The following F13A1 variants were observed in gnomAD, a reference collection of about 807,000 sequenced individuals.
F13A1 encodes FSF, A subunit.
In F13A1, 47 loss-of-function variants were observed where a neutral mutation model predicts 80.1. The observed-to-expected ratio is 0.59, with a 90% CI of 0.46 to 0.75. The LOEUF (loss-of-function observed/expected upper bound fraction) is 0.75, where lower values mean the gene tolerates loss of function less well. Ranked by LOEUF, F13A1 falls within the 30% of genes least tolerant of loss-of-function variation. The probability of loss-of-function intolerance (pLI) is 0.00; values close to 1 mark genes in which losing one functional copy is unlikely to be tolerated. For synonymous variants in F13A1, 349 were observed against 344.9 expected, an observed-to-expected ratio of 1.01 and a Z score of -0.13; for missense variants, 817 against 930.4, an observed-to-expected ratio of 0.88 and a Z score of 1.59.
intron 7 of F13A1, 116 bp from the exon 8 acceptor site, chr6:6,222,287 ACATGTTATTCTCAAATGTTC>A (rs1561659854): frequency 5.9e-6 from 8 of 1,364,158 alleles, no homozygotes; most frequent in Non-Finnish European, 7.2e-6. Flanking sequence ...AGCCCTTTGG[ACATGTTATTCTCAAATGTTC>A]CATGCTGGAA....
At chr6:6,224,919 G>C in intron 6 of F13A1, 59 bp from the exon 7 acceptor site, 1 of 1,564,048 alleles carries the variant, frequency 6.4e-7, no homozygotes, top group South Asian at 1.1e-5. Context: ...GTCTACTCCA[G>C]GCTATGCATG....
At chr6:6,294,221 G>T (rs147851853) in intron 3 of F13A1, among the ~76,000 whole-genome samples, 5,642 of 152,222 alleles carry the variant, frequency 0.037, 349 homozygotes, top group African/African-American at 0.13. Context: ...TAACATTTGA[G>T]TCAGTGGGCT....
intron 12 of F13A1, among the ~76,000 whole-genome samples, chr6:6,167,839 G>A (rs952717189): frequency 2.6e-5 from 4 of 152,174 alleles, no homozygotes; most frequent in African/African-American, 9.7e-5. Flanking sequence ...AGTCTCACTG[G>A]AGAAAATGTG....
Position 6,212,962 on chromosome 6 carries a change from G to A in F13A1, c.1112+9071C>T, listed in dbSNP as rs573457717. ...AGATGAAATGAATGAAATGAAGTGA[G>A]AAGGGAAGTTTAGAGAAAAAAGAAT... On this transcript the variant is annotated intron_variant, in intron 8 of 14. Transcript: ENST00000264870. 3.2e-3 allele frequency among the ~76,000 whole-genome samples: 490 copies of A among 152,280 alleles called. 4 individuals carry two copies. The highest frequency in any genetic ancestry group is 0.01 in the African/African-American group (428 of 41,554).
intron 9 of F13A1, 44 bp downstream of exon 9, chr6:6,197,179 G>C (rs3024481): frequency 1.3e-6 from 2 of 1,576,264 alleles, no homozygotes; most frequent in Non-Finnish European, 1.7e-6. Context: ...GCAAAACAAA[G>C]ATCAGCAATG....
chr6:6,260,605 C>A (rs187106412), intron 4 of F13A1, among the ~76,000 whole-genome samples: 62 of 152,230 alleles, frequency 4.1e-4, no homozygotes, highest in Non-Finnish European at 7.2e-4. Context: ...TTGGGGGGAG[C>A]GGTTCATCAT....
Position 6,250,676 on chromosome 6 carries a change from C to A in F13A1, c.690+135G>T. On this transcript the variant is annotated intron_variant, in intron 5 of 14. Transcript: ENST00000264870. The surrounding 1 kb of genome is among the most constrained non-coding windows in gnomAD (Gnocchi z 4.2). ...TGAGTCCCTACTCCTATGCTCTCTG[C>A]CTTGGAGTCTCAGATCCTAAAAAGC... The A allele has an allele frequency of 1.4e-6, 1 of 696,124 alleles. No homozygotes were observed. Among genetic ancestry groups the A allele is most frequent in the East Asian group, 2.7e-5 (1 of 37,554 alleles). The allele number at this position is 696,124 out of a possible 1,614,324, so 43.1% of individuals were successfully genotyped here.
At chr6:6,289,569 T>C (rs551452097) in intron 3 of F13A1, among the ~76,000 whole-genome samples, 1 of 152,142 alleles carries the variant, frequency 6.6e-6, no homozygotes, top group Non-Finnish European at 1.5e-5. Context: ...TATCATTTAT[T>C]AGTGAGATTT....
At chr6:6,255,008 T>C (rs985129228) in intron 4 of F13A1, among the ~76,000 whole-genome samples, 2 of 152,168 alleles carry the variant, frequency 1.3e-5, no homozygotes, top group African/African-American at 4.8e-5. Context: ...AATATAGGGT[T>C]GTGCTCTTTT....
chr6:6,157,101 C>T (rs923208960), intron 13 of F13A1, among the ~76,000 whole-genome samples: 2 of 152,204 alleles, frequency 1.3e-5, no homozygotes, highest in African/African-American at 2.4e-5. Context: ...CTCAGCAACA[C>T]GTGATCCTGA....
intron 10 of F13A1, among the ~76,000 whole-genome samples, chr6:6,190,380 G>T (rs1191231127): frequency 6.6e-6 from 1 of 152,160 alleles, no homozygotes; most frequent in Non-Finnish European, 1.5e-5. Context: ...CTTTGATGAT[G>T]GTGATGTACA....
chr6:6,163,667 A>G (rs1760613682), intron 13 of F13A1, among the ~76,000 whole-genome samples: 1 of 152,030 alleles, frequency 6.6e-6, no homozygotes, highest in Non-Finnish European at 1.5e-5. Context: ...GAAGGACATG[A>G]CCTCATCCTT....
At position 6,182,051 on chromosome 6, in the gene F13A1, C is replaced by T; in HGVS notation, c.1396G>A (p.Val466Met). The change falls in exon 11 of 15, where the codon GTG (valine) becomes ATG (methionine). Residue 466 changes from valine to methionine, a missense_variant. By Grantham distance (21) the Val-to-Met change is conservative. Transcript: ENST00000264870. The part of the protein sequence containing the change: ...VDATHIGKLI[V>M]TKQIGGDGMM... ...CCATCTCCTCCAATTTGTTTGGTCACAATTAATTTCCCAATGTGGGTGGCA... is the reference window on the plus strand; with the variant it reads ...CCATCTCCTCCAATTTGTTTGGTCATAATTAATTTCCCAATGTGGGTGGCA... The T allele has an allele frequency of 4.3e-6, 7 of 1,614,194 alleles. No individual in the cohort carries two copies. The highest frequency in any genetic ancestry group is 5.1e-6 in the Non-Finnish European group (6 of 1,180,030).
intron 8 of F13A1, among the ~76,000 whole-genome samples, chr6:6,219,330 C>A (rs1757154625): frequency 6.6e-6 from 1 of 151,986 alleles, no homozygotes; most frequent in Non-Finnish European, 1.5e-5. Flanking sequence ...CACCCTCACC[C>A]TCACCCTCAC....
chr6:6,256,696 G>A (rs974712921), intron 4 of F13A1, among the ~76,000 whole-genome samples: 2 of 152,096 alleles, frequency 1.3e-5, no homozygotes, highest in Non-Finnish European at 2.9e-5. Flanking sequence ...ACCCAGAGAA[G>A]GTAAGGATTT....
At chr6:6,234,637 T>C (rs1490655912) in intron 6 of F13A1, among the ~76,000 whole-genome samples, 1 of 152,016 alleles carries the variant, frequency 6.6e-6, no homozygotes, top group African/African-American at 2.4e-5. Flanking sequence ...GGTAATGTTT[T>C]AGTGTGTGGG....
intron 2 of F13A1, among the ~76,000 whole-genome samples, chr6:6,308,606 C>CTTTTTTTT (rs770570204): frequency 5.6e-5 from 5 of 88,848 alleles, no homozygotes; most frequent in African/African-American, 8.9e-5. Context: ...AAAACACATT[C>CTTTTTTTT]TTTTTTTTTT....
chr6:6,282,552 T>C (rs1227513053), intron 3 of F13A1, among the ~76,000 whole-genome samples: 1 of 152,212 alleles, frequency 6.6e-6, no homozygotes, highest in Non-Finnish European at 1.5e-5. Flanking sequence ...AGAATAACTT[T>C]GCAGGGGTAA....
At chr6:6,186,489 C>G (rs1185604432) in intron 10 of F13A1, among the ~76,000 whole-genome samples, 1 of 152,146 alleles carries the variant, frequency 6.6e-6, no homozygotes, top group Non-Finnish European at 1.5e-5. Flanking sequence ...AATCCTTTCC[C>G]CATTGCTTGT....
Sources: gnomAD v4.1 joint callset for allele counts (sites outside exome capture counted in the v4.1 genomes callset) on GRCh38, gnomAD v4.1.1 for gene constraint, Gnocchi (gnomAD v3.1) non-coding constraint, MANE v1.5 for transcripts, NCBI Gene and HGNC (gene_info 2026-07-23, HGNC 2026-07-21) for gene names.